The following FGF12 variants were observed in gnomAD, a reference collection of about 807,000 sequenced individuals.
FGF12 encodes the protein fibroblast growth factor 12.
A neutral mutation model predicts 23.6 loss-of-function variants in FGF12; 14 were observed. The observed-to-expected ratio is 0.59, with a 90% CI of 0.39 to 0.93. The LOEUF (loss-of-function observed/expected upper bound fraction) is 0.93, where lower values mean the gene tolerates loss of function less well. Among genes scored for constraint, FGF12 ranks in the 40% least tolerant of loss-of-function variants. The pLI is 0.00. For synonymous variants in FGF12, 62 were observed against 77.3 expected (o/e 0.80, Z 1.04); for missense variants, 175 against 217.8 (o/e 0.80, Z 1.24).
intron 2 of FGF12, among the ~76,000 whole-genome samples, chr3:192,378,645 T>G (rs1719678622): frequency 6.6e-6 from 1 of 152,200 alleles, no homozygotes; most frequent in South Asian, 2.1e-4. Flanking sequence ...GAAAATCACA[T>G]TTATTTGTTG....
intron 2 of FGF12, among the ~76,000 whole-genome samples, chr3:192,576,708 T>C (rs928589897): frequency 6.6e-6 from 1 of 152,136 alleles, no homozygotes; most frequent in African/African-American, 2.4e-5. Context: ...AGAACAACAG[T>C]TTAGTCCCAA....
chr3:192,579,959 C>T (rs1313938845), intron 2 of FGF12, among the ~76,000 whole-genome samples: 1 of 152,152 alleles, frequency 6.6e-6, no homozygotes, highest in Admixed American at 6.5e-5. Flanking sequence ...AGGTAACGTG[C>T]TTTTACTGAG....
At chr3:192,600,780 C>A (rs999716870) in intron 2 of FGF12, among the ~76,000 whole-genome samples, 5 of 151,822 alleles carry the variant, frequency 3.3e-5, no homozygotes, top group Non-Finnish European at 7.4e-5. Flanking sequence ...TGGCTGTAAT[C>A]AAAAATACAG....
In FGF12 at chr3:192,158,600, CT is replaced by C. The variant is rs369008588; in HGVS notation, c.427+11857del. 8.5e-3 allele frequency among the ~76,000 whole-genome samples: 825 copies of C among 97,376 alleles called. 12 individuals are homozygous for C. Among genetic ancestry groups the C allele is most frequent in the African/African-American group, 0.034 (755 of 22,128 alleles). The allele number at this position is 97,376 out of a possible 152,430, so 63.9% of individuals were successfully genotyped here. On this transcript the variant is annotated intron_variant, in intron 5 of 5. Transcript: ENST00000445105. The stretch of plus-strand genomic sequence containing the variant: ...TTTCTTTCTTTCTTCTCGTCTTTCT[CT>C]TTTTTTCTTCTTCCTTCTTTCTTTC...
At chr3:192,410,616 T>C (rs35023678) in intron 2 of FGF12, among the ~76,000 whole-genome samples, 36,118 of 152,166 alleles carry the variant, frequency 0.24, 5,540 homozygotes, top group Non-Finnish European at 0.34. Flanking sequence ...GCCCCACCTA[T>C]GGCTCATTTT....
At chr3:192,146,574 T>C (rs771003554) in intron 5 of FGF12, among the ~76,000 whole-genome samples, 4 of 152,176 alleles carry the variant, frequency 2.6e-5, no homozygotes, top group Non-Finnish European at 5.9e-5. Flanking sequence ...TGGCCTAAAG[T>C]GTATATTTTT....
At chr3:192,515,343 G>C (rs1724634467) in intron 2 of FGF12, 1 of 151,238 alleles carries the variant, frequency 6.6e-6, no homozygotes, top group Non-Finnish European at 1.5e-5. Context: ...CAGAGCGTCA[G>C]AAGCGACTCT....
At chr3:192,492,175 T>A (rs977328624) in intron 2 of FGF12, among the ~76,000 whole-genome samples, 5 of 152,198 alleles carry the variant, frequency 3.3e-5, no homozygotes, top group African/African-American at 9.7e-5. Context: ...AATAAATTTG[T>A]AAACACCTGA....
chr3:192,280,075 A>G (rs1343591514), intron 4 of FGF12, among the ~76,000 whole-genome samples: 1 of 152,232 alleles, frequency 6.6e-6, no homozygotes, highest in African/African-American at 2.4e-5. Flanking sequence ...GATGAAAATA[A>G]AAGACAGTTT....
chr3:192,345,835 G>T (rs1019737779), intron 3 of FGF12, among the ~76,000 whole-genome samples: 4 of 152,044 alleles, frequency 2.6e-5, no homozygotes, highest in Admixed American at 2.0e-4. Flanking sequence ...CTGCTCAAAA[G>T]GTAAAAAATC....
chr3:192,652,663 A>T (rs780676826), intron 2 of FGF12, among the ~76,000 whole-genome samples: 15 of 152,204 alleles, frequency 9.9e-5, no homozygotes, highest in Non-Finnish European at 1.5e-4. Context: ...AAATTTACCA[A>T]ATCATAAACT....
chr3:192,447,067 T>C (rs1722375639), intron 2 of FGF12, among the ~76,000 whole-genome samples: 1 of 152,248 alleles, frequency 6.6e-6, no homozygotes, highest in Non-Finnish European at 1.5e-5. Context: ...TTTTCCCATC[T>C]TCAACCTAAT....
chr3:192,644,279 G>A (rs1468342003), intron 2 of FGF12, among the ~76,000 whole-genome samples: 2 of 152,064 alleles, frequency 1.3e-5, no homozygotes, highest in Admixed American at 6.5e-5. Context: ...TGGAGTCCTG[G>A]ATTCTTGTAT....
chr3:192,332,398 A>T (rs1418106535), intron 4 of FGF12, among the ~76,000 whole-genome samples: 1 of 152,114 alleles, frequency 6.6e-6, no homozygotes, highest in Non-Finnish European at 1.5e-5. Context: ...AGAATTTTTT[A>T]AAAAAGAAAA....
intron 2 of FGF12, among the ~76,000 whole-genome samples, chr3:192,693,030 T>C (rs191561819): frequency 6.6e-6 from 1 of 152,108 alleles, no homozygotes; most frequent in Non-Finnish European, 1.5e-5. Flanking sequence ...GCAGGTGACA[T>C]GATCCTTTAT....
At chr3:192,589,471 T>A (rs1311737328) in intron 2 of FGF12, among the ~76,000 whole-genome samples, 1 of 151,860 alleles carries the variant, frequency 6.6e-6, no homozygotes, top group Admixed American at 6.6e-5. Flanking sequence ...AATCACAATG[T>A]TTTGGAATGG....
intron 4 of FGF12, among the ~76,000 whole-genome samples, chr3:192,320,621 C>T (rs1278963645): frequency 6.6e-6 from 1 of 152,104 alleles, no homozygotes; most frequent in East Asian, 1.9e-4. Context: ...TCTCTGACCA[C>T]AGTGGAATAA....
chr3:192,445,936 G>A (rs1351805532), intron 2 of FGF12, among the ~76,000 whole-genome samples: 1 of 152,152 alleles, frequency 6.6e-6, no homozygotes, highest in Admixed American at 6.5e-5. Flanking sequence ...GCAACTGCTT[G>A]GCTCTCTGCA....
At chr3:192,277,586 G>A (rs1314311421) in intron 4 of FGF12, among the ~76,000 whole-genome samples, 3 of 152,184 alleles carry the variant, frequency 2.0e-5, no homozygotes, top group Non-Finnish European at 4.4e-5. Flanking sequence ...GTAACTATGA[G>A]TATTGCTTGC....
Sources: allele counts gnomAD v4.1 joint callset (sites outside exome capture counted in the v4.1 genomes callset), GRCh38; gene constraint gnomAD v4.1.1; transcripts MANE v1.5; gene names NCBI Gene and HGNC (gene_info 2026-07-23, HGNC 2026-07-21).